The following CLVS1 variants were observed in gnomAD, a reference collection of about 807,000 sequenced individuals.
CLVS1 encodes the protein clavesin-1.
CLVS1 carries 10 observed loss-of-function variants against 33.1 expected under a neutral mutation model. The ratio of observed to expected loss-of-function variants is 0.30; its 90% CI spans 0.19 to 0.51. The LOEUF is 0.51. CLVS1 is among the 20% of genes least tolerant of loss of function. The pLI is 0.97. For missense variants in CLVS1, 343 were observed against 433.4 expected, an observed-to-expected ratio of 0.79 and a Z score of 1.85; for synonymous variants, 163 against 166.1, an observed-to-expected ratio of 0.98 and a Z score of 0.14.
At chr8:61,435,498 A>G (rs1180116816) in intron 3 of CLVS1, among the ~76,000 whole-genome samples, 5 of 152,050 alleles carry the variant, frequency 3.3e-5, no homozygotes, top group Admixed American at 1.3e-4. Flanking sequence ...TTGAACTTCT[A>G]TTACAAGGTA....
Position 61,242,650 on chromosome 8 carries a change from A to T in CLVS1, c.-151-57027A>T, listed in dbSNP as rs185135443. Reference sequence around the variant, plus strand: ...ACAAAAAATAAAAAATTAACCAGACATGGTGACACATGCCTGTAGTCCCAG... The same window carrying T: ...ACAAAAAATAAAAAATTAACCAGACTTGGTGACACATGCCTGTAGTCCCAG... On this transcript the variant is annotated intron_variant, in intron 2 of 2. Transcript: ENST00000522621. 4.9e-4 allele frequency among the ~76,000 whole-genome samples: 74 copies of T among 152,136 alleles called. 1 individual carries two copies. Among genetic ancestry groups the T allele is most frequent in the Admixed American group, 2.4e-3 (37 of 15,248 alleles).
intron 1 of CLVS1, among the ~76,000 whole-genome samples, chr8:61,129,267 C>G (rs1806039217): frequency 6.6e-6 from 1 of 152,150 alleles, no homozygotes; most frequent in African/African-American, 2.4e-5. Flanking sequence ...AGAGTGGAAA[C>G]TTTTCCTGTG....
upstream of CLVS1, chr8:61,287,943 T>C (rs1809828803): frequency 5.3e-6 from 2 of 377,468 alleles, no homozygotes; most frequent in African/African-American, 4.2e-5. Flanking sequence ...AGGCTCCGTA[T>C]AGAAGGACAG....
chr8:60,978,079 A>T, the CLVS1 span, among the ~76,000 whole-genome samples: 3 of 152,258 alleles, frequency 2.0e-5, no homozygotes, highest in African/African-American at 4.8e-5. Flanking sequence ...TAAAGGGAAA[A>T]CTAAATATTT....
At chr8:61,250,377 C>G (rs1220290186) in intron 2 of CLVS1, among the ~76,000 whole-genome samples, 3 of 152,102 alleles carry the variant, frequency 2.0e-5, no homozygotes, top group Non-Finnish European at 4.4e-5. Context: ...GTTCTTTTGG[C>G]TTAGGATTAT....
chr8:61,339,577 C>T (rs983019474), intron 2 of CLVS1, among the ~76,000 whole-genome samples: 16 of 152,038 alleles, frequency 1.1e-4, no homozygotes, highest in Non-Finnish European at 1.8e-4. Flanking sequence ...CCCAAGGGGA[C>T]CCCTGGACAT....
chr8:61,455,470 G>T (rs769588912), intron 4 of CLVS1, among the ~76,000 whole-genome samples: 1 of 151,798 alleles, frequency 6.6e-6, no homozygotes, highest in Admixed American at 6.6e-5. Context: ...TTGTTTTTCT[G>T]TGTCTGGCTT....
At chr8:61,411,746 G>A (rs1024520525) in intron 3 of CLVS1, among the ~76,000 whole-genome samples, 2 of 152,144 alleles carry the variant, frequency 1.3e-5, no homozygotes, top group African/African-American at 2.4e-5. Flanking sequence ...CTCCCATGGT[G>A]GGTCACCTTC....
At chr8:61,161,626 G>A (rs1023283486) in intron 2 of CLVS1, among the ~76,000 whole-genome samples, 1 of 152,156 alleles carries the variant, frequency 6.6e-6, no homozygotes. Flanking sequence ...AGAGGAGAAT[G>A]GTATTTCACA....
chr8:61,063,156 C>G (rs1804611695), intron 1 of CLVS1, among the ~76,000 whole-genome samples: 1 of 152,050 alleles, frequency 6.6e-6, no homozygotes, highest in African/African-American at 2.4e-5. Flanking sequence ...AGGCTTTGCT[C>G]TCGCTCCCCT....
intron 5 of CLVS1, among the ~76,000 whole-genome samples, chr8:61,487,272 A>T (rs1803919828): frequency 1.3e-5 from 2 of 152,204 alleles, no homozygotes; most frequent in Non-Finnish European, 2.9e-5. Context: ...AAACTGAGCC[A>T]TTCAAGTTTT....
intron 3 of CLVS1, among the ~76,000 whole-genome samples, chr8:61,400,866 C>T (rs1288555821): frequency 6.6e-6 from 1 of 152,086 alleles, no homozygotes; most frequent in Admixed American, 6.5e-5. Context: ...ACTAACCTTC[C>T]ATCCAGGGAT....
At chr8:61,015,715 C>A in the CLVS1 span, among the ~76,000 whole-genome samples, 10 of 152,158 alleles carry the variant, frequency 6.6e-5, no homozygotes, top group African/African-American at 2.4e-4. Context: ...CCTCCCCTAC[C>A]TTTTGTTCCC....
intron 5 of CLVS1, among the ~76,000 whole-genome samples, chr8:61,468,765 C>A (rs1817642859): frequency 6.7e-6 from 1 of 148,204 alleles, no homozygotes; most frequent in South Asian, 2.1e-4. Flanking sequence ...CTATTTCAGC[C>A]TCATTCAGCT....
At chr8:61,391,682 C>T (rs988817938) in intron 3 of CLVS1, among the ~76,000 whole-genome samples, 1 of 152,014 alleles carries the variant, frequency 6.6e-6, no homozygotes, top group Non-Finnish European at 1.5e-5. Context: ...TCCTTAATGC[C>T]CTAATCTGTA....
intron 3 of CLVS1, among the ~76,000 whole-genome samples, chr8:61,442,529 A>T (rs1816592893): frequency 6.6e-6 from 1 of 152,176 alleles, no homozygotes; most frequent in East Asian, 1.9e-4. Context: ...TATCTTCCAG[A>T]GTTCCTATAC....
intron 2 of CLVS1, among the ~76,000 whole-genome samples, chr8:61,170,743 T>C (rs930069672): frequency 6.6e-6 from 1 of 152,240 alleles, no homozygotes; most frequent in Admixed American, 6.5e-5. Flanking sequence ...CCATATTTGA[T>C]AATAGCAAGT....
At chr8:61,022,740 C>T in the CLVS1 span, among the ~76,000 whole-genome samples, 2 of 152,202 alleles carry the variant, frequency 1.3e-5, no homozygotes, top group African/African-American at 4.8e-5. Context: ...TTCCAAAGTG[C>T]TAAAGAGCTG....
In CLVS1 at chr8:61,361,263, AT is replaced by A. The variant is rs11289807; in HGVS notation, c.456-15341del. On this transcript the variant is annotated intron_variant, in intron 2 of 5. Transcript: ENST00000325897. ...AGATTTGGTGGGGACACAGATCCAA[AT>A]CATATCAGATGTCTTCAAGCTTTCA... Among the ~76,000 whole-genome samples, 349 of 152,318 alleles carry A rather than the reference AT, an allele frequency of 2.3e-3. 3 individuals carry two copies. The highest frequency in any genetic ancestry group is 8.2e-3 in the African/African-American group (339 of 41,586).
Sources: gnomAD v4.1 joint callset for allele counts (sites outside exome capture counted in the v4.1 genomes callset) on GRCh38, gnomAD v4.1.1 for gene constraint, MANE v1.5 for transcripts, NCBI Gene and HGNC (gene_info 2026-07-23, HGNC 2026-07-21) for gene names.